The following HS2ST1 variants were observed in gnomAD, a reference collection of about 807,000 sequenced individuals.
The protein encoded by HS2ST1 is 2-O-sulfotransferase.
A neutral mutation model predicts 42.9 loss-of-function variants in HS2ST1; 18 were observed. The ratio of observed to expected loss-of-function variants is 0.42; its 90% CI spans 0.29 to 0.62. The LOEUF (loss-of-function observed/expected upper bound fraction) is 0.62. Ranked by LOEUF, HS2ST1 falls within the 20% of genes least tolerant of loss-of-function variation. The pLI is 0.21. For missense variants in HS2ST1, 334 were observed against 433.8 expected (o/e 0.77, Z 2.04); for synonymous variants, 146 against 152.9 (o/e 0.95, Z 0.33).
At chr1:87,054,857 C>T (rs1434264968) in intron 1 of HS2ST1, among the ~76,000 whole-genome samples, 3 of 152,212 alleles carry the variant, frequency 2.0e-5, no homozygotes, top group Non-Finnish European at 2.9e-5. Flanking sequence ...ACCAGAAACA[C>T]TCATGTTGGT....
chr1:87,036,411 T>C, intron 1 of HS2ST1, among the ~76,000 whole-genome samples: 1 of 152,168 alleles, frequency 6.6e-6, no homozygotes, highest in East Asian at 1.9e-4. Context: ...GCACTGTTAA[T>C]TTAATTGGGA....
At chr1:87,064,297 G>A (rs967320080) in intron 1 of HS2ST1, among the ~76,000 whole-genome samples, 1 of 152,118 alleles carries the variant, frequency 6.6e-6, no homozygotes, top group African/African-American at 2.4e-5. Flanking sequence ...AAAACTTAGG[G>A]CAACTCAGCA....
chr1:87,057,452 C>T (rs935941942), intron 1 of HS2ST1, among the ~76,000 whole-genome samples: 4 of 151,986 alleles, frequency 2.6e-5, no homozygotes, highest in Admixed American at 6.6e-5. Context: ...ATCTTCTAAG[C>T]TTATTAAGAA....
At chr1:86,947,089 G>A (rs1182438574) in intron 1 of HS2ST1, among the ~76,000 whole-genome samples, 3 of 152,202 alleles carry the variant, frequency 2.0e-5, no homozygotes, top group Non-Finnish European at 4.4e-5. Flanking sequence ...GAAGTGGGCT[G>A]GATGATATCT....
Position 86,924,505 on chromosome 1 carries a change from A to G in HS2ST1, c.124+9345A>G, listed in dbSNP as rs530404170. 3.3e-5 allele frequency among the ~76,000 whole-genome samples: 5 copies of G among 152,310 alleles called. No homozygotes were observed. The East Asian group carries it at 9.7e-4, about 29-fold the overall frequency. On this transcript the variant is annotated intron_variant, in intron 1 of 6. Transcript: ENST00000370550. ...GTTCTCCATGAGGGCCCCGCCCCAC[A>G]GCAAACTTCTGCTTGGGTATCCAGG...
At chr1:87,082,503 G>A (rs888449123) in intron 2 of HS2ST1, among the ~76,000 whole-genome samples, 2 of 152,142 alleles carry the variant, frequency 1.3e-5, no homozygotes, top group Non-Finnish European at 2.9e-5. Flanking sequence ...AAACAGAGGT[G>A]AGTTGCTAAA....
intron 1 of HS2ST1, among the ~76,000 whole-genome samples, chr1:86,916,454 A>G (rs1226203069): frequency 6.6e-6 from 1 of 152,212 alleles, no homozygotes; most frequent in Non-Finnish European, 1.5e-5. Flanking sequence ...CTATTTTGGT[A>G]CAAGGCTTTG....
chr1:87,101,148 TG>T lies in HS2ST1; in HGVS notation c.687-2283del, dbSNP rs1158069709. 4.7e-3 allele frequency among the ~76,000 whole-genome samples: 469 copies of T among 99,900 alleles called. 4 individuals are homozygous for T. Among genetic ancestry groups the T allele is most frequent in the African/African-American group, 8.8e-3 (215 of 24,526 alleles). 65.5% of individuals were successfully genotyped at this position (99,900 alleles called of 152,430 possible). A position where few individuals can be genotyped will look rare whatever the true frequency, so the allele number is the denominator to read the frequency against. On this transcript the variant is annotated intron_variant, in intron 5 of 6. Coordinates refer to ENST00000370550, the MANE Select transcript of HS2ST1 (RefSeq NM_012262.4). ...GTCATCACTTTTGTGTGTGTGTGTGTGTTTTTTGTTTTTTTTTTTTTTTTTT... is the reference window on the plus strand; with the variant it reads ...GTCATCACTTTTGTGTGTGTGTGTGTTTTTTTGTTTTTTTTTTTTTTTTTT...
At chr1:86,994,264 G>A (rs1475173426) in intron 1 of HS2ST1, among the ~76,000 whole-genome samples, 1 of 152,106 alleles carries the variant, frequency 6.6e-6, no homozygotes, top group East Asian at 1.9e-4. Context: ...GATGCAATTT[G>A]ATAAACTTGT....
In HS2ST1 at chr1:87,057,712, G is replaced by A. The variant is rs969448544; in HGVS notation, c.125-15222G>A. 2.0e-5 allele frequency among the ~76,000 whole-genome samples: 3 copies of A among 151,846 alleles called. No homozygotes were observed. The South Asian group carries it at 6.2e-4, about 32-fold the overall frequency. On this transcript the variant is annotated intron_variant, in intron 1 of 6. Transcript: ENST00000370550. ...TAAAAATACAAAAAATTAGCCAGGC[G>A]TGGTGGCAGGTGCCTGTAGTCCCAG...
intron 1 of HS2ST1, among the ~76,000 whole-genome samples, chr1:87,049,177 A>G (rs1163266356): frequency 1.3e-5 from 2 of 151,962 alleles, no homozygotes; most frequent in Non-Finnish European, 2.9e-5. Context: ...GAATTTAGCA[A>G]TTTATCAAGT....
chr1:87,024,520 A>AAT (rs1650036839), intron 1 of HS2ST1, among the ~76,000 whole-genome samples: 1 of 151,420 alleles, frequency 6.6e-6, no homozygotes, highest in Non-Finnish European at 1.5e-5. Flanking sequence ...AAAAAAAAAA[A>AAT]CAGGAAAAGA....
At chr1:87,097,449 AGT>A (rs1164050084) in intron 4 of HS2ST1, among the ~76,000 whole-genome samples, 1 of 152,058 alleles carries the variant, frequency 6.6e-6, no homozygotes, top group Non-Finnish European at 1.5e-5. Context: ...GCTGGAGTGC[AGT>A]GTCTCCATCT....
chr1:86,940,266 C>G (rs1390953554), intron 1 of HS2ST1, among the ~76,000 whole-genome samples: 5 of 152,102 alleles, frequency 3.3e-5, no homozygotes, highest in Non-Finnish European at 7.3e-5. Flanking sequence ...CCCAGTTACT[C>G]AGGAGACTGA....
intron 1 of HS2ST1, among the ~76,000 whole-genome samples, chr1:86,994,053 T>G (rs1272304603): frequency 1.3e-5 from 2 of 152,166 alleles, no homozygotes; most frequent in East Asian, 3.8e-4. Flanking sequence ...TTCCTCCAGA[T>G]ACTTAACAGT....
intron 1 of HS2ST1, among the ~76,000 whole-genome samples, chr1:87,043,659 G>A (rs1351526456): frequency 6.6e-6 from 1 of 151,950 alleles, no homozygotes; most frequent in Non-Finnish European, 1.5e-5. Context: ...GTTTGGAACC[G>A]AAATAACATC....
At chr1:87,100,464 C>G (rs2100656009) in intron 5 of HS2ST1, among the ~76,000 whole-genome samples, 1 of 152,302 alleles carries the variant, frequency 6.6e-6, no homozygotes, top group East Asian at 1.9e-4. Flanking sequence ...CCCAAGGCTT[C>G]TGGGCCTGTG....
intron 5 of HS2ST1, chr1:87,098,279 A>G (rs374342671): frequency 1.0e-6 from 1 of 1,003,900 alleles, no homozygotes; most frequent in East Asian, 1.0e-4. Flanking sequence ...TGTTTTAGCT[A>G]TTCATGTTAA....
At chr1:86,968,934 AG>A (rs1037392122) in intron 1 of HS2ST1, among the ~76,000 whole-genome samples, 2 of 152,198 alleles carry the variant, frequency 1.3e-5, no homozygotes, top group African/African-American at 4.8e-5. Flanking sequence ...CATTCAGCTG[AG>A]TAGTGTAGAA....
Sources: gnomAD v4.1 joint callset for allele counts (sites outside exome capture counted in the v4.1 genomes callset) on GRCh38, gnomAD v4.1.1 for gene constraint, MANE v1.5 for transcripts, NCBI Gene and HGNC (gene_info 2026-07-23, HGNC 2026-07-21) for gene names.